Variants in GPHN observed in about 807,000 individuals in gnomAD.
GPHN encodes the protein gephyrin.
Under a neutral mutation model 95.5 loss-of-function variants are expected in GPHN, and 17 were observed. The observed-to-expected ratio is 0.18, with a 90% CI of 0.12 to 0.27. GPHN has a LOEUF of 0.27. Among genes scored for constraint, GPHN ranks in the 10% least tolerant of loss-of-function variants. The pLI, the probability that GPHN is intolerant of heterozygous loss-of-function variation, is 1.00. For synonymous variants in GPHN, 320 were observed against 322.5 expected (o/e 0.99, Z 0.08); for missense variants, 660 against 978.1 (o/e 0.67, Z 4.34).
chr14:66,714,105 C>A (rs1222791204), intron 2 of GPHN, among the ~76,000 whole-genome samples: 2 of 152,136 alleles, frequency 1.3e-5, no homozygotes, highest in East Asian at 3.9e-4. Context: ...TTCTACCCAT[C>A]CACGAGTGTG....
the GPHN span, among the ~76,000 whole-genome samples, chr14:67,713,234 A>G: frequency 6.6e-6 from 1 of 151,716 alleles, no homozygotes; most frequent in South Asian, 2.1e-4. Context: ...CCATCCTAGA[A>G]GCAGGAAAAA....
the GPHN span, among the ~76,000 whole-genome samples, chr14:67,619,238 C>T: frequency 6.6e-6 from 1 of 152,312 alleles, no homozygotes; most frequent in South Asian, 2.1e-4. Flanking sequence ...AGTCTAAATA[C>T]GTTGCTATAT....
intron 1 of GPHN, among the ~76,000 whole-genome samples, chr14:66,606,443 G>A (rs537854481): frequency 6.6e-6 from 1 of 152,070 alleles, no homozygotes; most frequent in African/African-American, 2.4e-5. Context: ...GCTTAGTATT[G>A]CCTTGGCGAT....
chr14:67,722,511 C>A, the GPHN span: 1 of 807,450 alleles, frequency 1.2e-6, no homozygotes, highest in South Asian at 1.3e-5. Flanking sequence ...TGCTGCTCAG[C>A]ACCCAGGACG....
the GPHN span, among the ~76,000 whole-genome samples, chr14:67,499,508 T>C: frequency 1.3e-5 from 2 of 152,234 alleles, no homozygotes; most frequent in Non-Finnish European, 2.9e-5. Context: ...GATAAATGTT[T>C]CAATGTCTGG....
At chr14:67,142,316 A>C (rs1036084863) in intron 17 of GPHN, among the ~76,000 whole-genome samples, 3 of 152,232 alleles carry the variant, frequency 2.0e-5, no homozygotes, top group African/African-American at 7.2e-5. Flanking sequence ...AGTAATAACT[A>C]AACAATCCCT....
chr14:67,393,474 G>A, the GPHN span, among the ~76,000 whole-genome samples: 1 of 152,084 alleles, frequency 6.6e-6, no homozygotes, highest in Non-Finnish European at 1.5e-5. Flanking sequence ...TGTTTTTTGA[G>A]ACAGAGTCTC....
At chr14:67,641,703 G>A in the GPHN span, among the ~76,000 whole-genome samples, 1 of 152,206 alleles carries the variant, frequency 6.6e-6, no homozygotes, top group East Asian at 1.9e-4. Flanking sequence ...ACTTTGGGAG[G>A]ATGAGGCGGG....
chr14:67,593,909 C>T, the GPHN span: 7 of 1,613,388 alleles, frequency 4.3e-6, no homozygotes, highest in Admixed American at 1.7e-5. Context: ...ACCAAGCAGA[C>T]CTAAGAGGGT....
the GPHN span, among the ~76,000 whole-genome samples, chr14:67,207,922 A>C: frequency 5.9e-5 from 9 of 152,216 alleles, no homozygotes; most frequent in African/African-American, 2.2e-4. Flanking sequence ...GAAGTACTGT[A>C]ATTAGATGCC....
chr14:67,316,435 G>A, the GPHN span, among the ~76,000 whole-genome samples: 3 of 152,114 alleles, frequency 2.0e-5, no homozygotes, highest in Admixed American at 6.6e-5. Flanking sequence ...TGATGAATGC[G>A]CACATGTTGT....
chr14:67,220,326 C>T, the GPHN span, among the ~76,000 whole-genome samples: 1 of 152,000 alleles, frequency 6.6e-6, no homozygotes, highest in African/African-American at 2.4e-5. Context: ...ACCTGAGGTC[C>T]CAGTTACTCA....
intron 21 of GPHN, among the ~76,000 whole-genome samples, chr14:67,170,383 A>G (rs1369738430): frequency 6.6e-6 from 1 of 152,232 alleles, no homozygotes; most frequent in Non-Finnish European, 1.5e-5. Context: ...GCTTAGATTT[A>G]GACAGTCAAA....
chr14:67,129,352 T>C (rs1306537719), intron 17 of GPHN, among the ~76,000 whole-genome samples: 1 of 152,164 alleles, frequency 6.6e-6, no homozygotes, highest in Non-Finnish European at 1.5e-5. Context: ...AGGTGTGTAA[T>C]GCCATAAACA....
chr14:66,603,099 T>A (rs1191809450), intron 1 of GPHN, among the ~76,000 whole-genome samples: 1 of 151,902 alleles, frequency 6.6e-6, no homozygotes, highest in Non-Finnish European at 1.5e-5. Flanking sequence ...TTCTTAAACA[T>A]GGGATCATAT....
intron 3 of GPHN, among the ~76,000 whole-genome samples, chr14:66,820,016 T>G (rs1176525790): frequency 2.0e-5 from 3 of 152,142 alleles, no homozygotes; most frequent in Non-Finnish European, 4.4e-5. Flanking sequence ...AGAAGAGATA[T>G]TATATGCTGA....
chr14:67,549,514 G>T, the GPHN span, among the ~76,000 whole-genome samples: 1 of 152,140 alleles, frequency 6.6e-6, no homozygotes, highest in East Asian at 1.9e-4. Context: ...CAAGTGATCC[G>T]CCTGCCTCGG....
the GPHN span, among the ~76,000 whole-genome samples, chr14:67,643,835 A>G: frequency 0.13 from 17,611 of 134,998 alleles, 1,156 homozygotes; most frequent in East Asian, 0.22. Flanking sequence ...AGAAGCAGGT[A>G]GATTCCTCCT....
chr14:66,575,381 C>T (rs529842040), intron 1 of GPHN, among the ~76,000 whole-genome samples: 2 of 152,248 alleles, frequency 1.3e-5, no homozygotes, highest in East Asian at 3.9e-4. Flanking sequence ...TTGTCTTTGC[C>T]ATTTGAGAAT....
Sources: gnomAD v4.1 joint callset for allele counts (sites outside exome capture counted in the v4.1 genomes callset) on GRCh38, gnomAD v4.1.1 for gene constraint, MANE v1.5 for transcripts, NCBI Gene and HGNC (gene_info 2026-07-23, HGNC 2026-07-21) for gene names.